The following RIMS1 variants were observed in gnomAD, a reference collection of about 807,000 sequenced individuals.
The protein encoded by RIMS1 is regulating synaptic membrane exocytosis 1.
A neutral mutation model predicts 214.1 loss-of-function variants in RIMS1; 83 were observed. The observed-to-expected ratio is 0.39, with a 90% CI of 0.32 to 0.47. The LOEUF (loss-of-function observed/expected upper bound fraction) is 0.47. Among genes scored for constraint, RIMS1 ranks in the 20% least tolerant of loss-of-function variants. The probability of loss-of-function intolerance (pLI) is 0.99; values close to 1 mark genes in which losing one functional copy is unlikely to be tolerated. For missense variants in RIMS1, 2,050 were observed against 2,161.8 expected (o/e 0.95, Z 1.03); for synonymous variants, 793 against 786.8 (o/e 1.01, Z -0.13).
intron 29 of RIMS1, among the ~76,000 whole-genome samples, chr6:72,335,278 G>A (rs1480923638): frequency 6.6e-6 from 1 of 151,908 alleles, no homozygotes; most frequent in Non-Finnish European, 1.5e-5. Context: ...CCTTCCCTGT[G>A]TCCATGTGTT....
intron 29 of RIMS1, among the ~76,000 whole-genome samples, chr6:72,340,717 G>A (rs1457001726): frequency 6.6e-6 from 1 of 152,082 alleles, no homozygotes; most frequent in African/African-American, 2.4e-5. Context: ...CAGGTAGCAT[G>A]ATGCCTCCAG....
At chr6:72,088,265 T>G (rs1835221418) in intron 2 of RIMS1, among the ~76,000 whole-genome samples, 1 of 121,190 alleles carries the variant, frequency 8.3e-6, no homozygotes, top group Non-Finnish European at 1.9e-5. Flanking sequence ...TTATTTATTT[T>G]GAGACCGAGT....
At chr6:72,273,132 A>G (rs1432479321) in intron 22 of RIMS1, among the ~76,000 whole-genome samples, 1 of 152,146 alleles carries the variant, frequency 6.6e-6, no homozygotes, top group Non-Finnish European at 1.5e-5. Flanking sequence ...AGATTAAACA[A>G]AGGCTTCCAG....
At chr6:72,100,748 G>C (rs2033356696) in intron 4 of RIMS1, among the ~76,000 whole-genome samples, 1 of 148,162 alleles carries the variant, frequency 6.7e-6, no homozygotes, top group Non-Finnish European at 1.5e-5. Flanking sequence ...ATATGAGAAT[G>C]AGACAATGAG....
At chr6:72,060,040 G>A (rs2152237071) in intron 2 of RIMS1, among the ~76,000 whole-genome samples, 1 of 152,118 alleles carries the variant, frequency 6.6e-6, no homozygotes. Context: ...CTGGGTTCAA[G>A]CGATTCTCCT....
chr6:72,240,548 A>G (rs2066323037), intron 9 of RIMS1, among the ~76,000 whole-genome samples: 1 of 150,030 alleles, frequency 6.7e-6, no homozygotes, highest in Non-Finnish European at 1.5e-5. Context: ...CAGGATCATG[A>G]TGTCAACTTT....
chr6:72,116,998 G>A (rs571921291), intron 4 of RIMS1, among the ~76,000 whole-genome samples: 13 of 152,006 alleles, frequency 8.6e-5, no homozygotes, highest in Non-Finnish European at 1.3e-4. Context: ...TGACAGATGA[G>A]AAAATTGAGT....
chr6:72,129,984 A>G (rs1335474486), intron 4 of RIMS1, among the ~76,000 whole-genome samples: 1 of 152,148 alleles, frequency 6.6e-6, no homozygotes, highest in Admixed American at 6.6e-5. Context: ...TTCTACCTAC[A>G]TTATTTCAGG....
chr6:71,938,709 C>T (rs1409499189), intron 1 of RIMS1, among the ~76,000 whole-genome samples: 1 of 152,162 alleles, frequency 6.6e-6, no homozygotes, highest in Admixed American at 6.5e-5. Flanking sequence ...TGCCTTCCTA[C>T]AGCTCTGGAC....
chr6:72,130,953 A>G (rs947014142), intron 4 of RIMS1, among the ~76,000 whole-genome samples: 1 of 152,210 alleles, frequency 6.6e-6, no homozygotes, highest in Admixed American at 6.5e-5. Flanking sequence ...GTTATTTCAA[A>G]GAAATTCAAC....
rs2098834979 is a variant in RIMS1, at chr6:72,401,459, TC to T, written c.*746del. On this transcript the variant is annotated 3_prime_UTR_variant, in exon 34 of 34. Transcript: ENST00000521978. The stretch of plus-strand genomic sequence containing the variant: ...AAAAGTTATCTTCCAAAATAAATAA[TC>T]ACAGAAGTACTTTTTTAATGAAGAG... 1 of 152,588 alleles carries T rather than the reference TC, an allele frequency of 6.6e-6. No homozygotes were observed. The highest frequency in any genetic ancestry group is 1.5e-5 in the Non-Finnish European group (1 of 68,038). The allele number at this position is 152,588 out of a possible 1,614,324, so 9.5% of individuals were successfully genotyped here.
chr6:72,219,334 A>C (rs1338755485), intron 6 of RIMS1, among the ~76,000 whole-genome samples: 1 of 152,126 alleles, frequency 6.6e-6, no homozygotes. Context: ...ATGGTTTCAG[A>C]TATTATATAA....
intron 6 of RIMS1, among the ~76,000 whole-genome samples, chr6:72,191,115 G>A (rs1405558846): frequency 6.6e-6 from 1 of 152,140 alleles, no homozygotes; most frequent in Non-Finnish European, 1.5e-5. Flanking sequence ...CAGCAGCCTG[G>A]ACCTGTTGTA....
At chr6:72,305,416 A>C (rs963155351) in intron 26 of RIMS1, among the ~76,000 whole-genome samples, 2 of 152,104 alleles carry the variant, frequency 1.3e-5, no homozygotes, top group Non-Finnish European at 2.9e-5. Context: ...TGTTTTTATT[A>C]CAAATTGAGA....
intron 4 of RIMS1, among the ~76,000 whole-genome samples, chr6:72,170,216 T>TC (rs34004146): frequency 0.69 from 105,356 of 152,090 alleles, 36,966 homozygotes; most frequent in East Asian, 0.84. Flanking sequence ...AATGAAGTTT[T>TC]TTTGACTAGC....
At chr6:72,174,830 A>G (rs1299450368) in intron 4 of RIMS1, among the ~76,000 whole-genome samples, 1 of 152,218 alleles carries the variant, frequency 6.6e-6, no homozygotes, top group Non-Finnish European at 1.5e-5. Flanking sequence ...TTACCCATTA[A>G]AAAGAAACAT....
At chr6:72,149,049 C>T (rs911557987) in intron 4 of RIMS1, among the ~76,000 whole-genome samples, 3 of 152,042 alleles carry the variant, frequency 2.0e-5, no homozygotes, top group African/African-American at 7.2e-5. Flanking sequence ...ACTTTGTGAA[C>T]TCCTGACATG....
At chr6:72,115,872 A>G (rs1378887659) in intron 4 of RIMS1, among the ~76,000 whole-genome samples, 1 of 151,954 alleles carries the variant, frequency 6.6e-6, no homozygotes, top group East Asian at 1.9e-4. Context: ...ACCTTCAAAA[A>G]TATCTTTAAA....
Position 72,013,927 on chromosome 6 carries a change from C to A in RIMS1, c.245+44864C>A, listed in dbSNP as rs1811785133. 2.0e-5 allele frequency among the ~76,000 whole-genome samples: 3 copies of A among 152,298 alleles called. No homozygotes were observed. In the South Asian group the frequency reaches 6.2e-4, roughly 32 times the overall value. On this transcript the variant is annotated intron_variant, in intron 2 of 33. Coordinates refer to ENST00000521978, the MANE Select transcript of RIMS1 (RefSeq NM_014989.7). ...TCCTTGGTAACCACTAATCTACTTT[C>A]TGTCTCTGTGGATTTGCTGAACCTA... is the stretch of plus-strand genomic sequence containing the variant.
Sources: allele counts gnomAD v4.1 joint callset (sites outside exome capture counted in the v4.1 genomes callset), GRCh38; gene constraint gnomAD v4.1.1; transcripts MANE v1.5; gene names NCBI Gene and HGNC (gene_info 2026-07-23, HGNC 2026-07-21).